The following PPP6R1 variants were observed in gnomAD, a reference collection of about 807,000 sequenced individuals.
PPP6R1 encodes the protein serine/threonine-protein phosphatase 6 regulatory subunit 1.
PPP6R1 carries 39 observed loss-of-function variants against 104.6 expected under a neutral mutation model. The observed-to-expected ratio is 0.37, with a 90% CI of 0.29 to 0.49. The LOEUF (loss-of-function observed/expected upper bound fraction) is 0.49. PPP6R1 is among the 20% of genes least tolerant of loss of function. The pLI is 0.98. For missense variants in PPP6R1, 1,181 were observed against 1,155.8 expected, an observed-to-expected ratio of 1.02 and a Z score of -0.32; for synonymous variants, 549 against 479.0, an observed-to-expected ratio of 1.15 and a Z score of -1.91.
At chr19:55,246,743 C>T in intron 2 of PPP6R1, 134 bp downstream of exon 2, 1 of 911,632 alleles carries the variant, frequency 1.1e-6, no homozygotes, top group Non-Finnish European at 1.6e-6. Flanking sequence ...CCTGGCTGCT[C>T]CCAGCCTCGT....
intron 1 of PPP6R1, among the ~76,000 whole-genome samples, chr19:55,248,245 C>G (rs1022666661): frequency 4.6e-5 from 7 of 152,202 alleles, no homozygotes; most frequent in South Asian, 4.1e-4. Context: ...GATGTCCAAG[C>G]TCACCAGCAG....
At position 55,230,174 on chromosome 19, in the gene PPP6R1, A is replaced by C; in HGVS notation, c.*354T>G. The C allele has an allele frequency of 3.6e-6, 1 of 275,716 alleles. No homozygotes were observed. Among genetic ancestry groups the C allele is most frequent in the Non-Finnish European group, 6.9e-6 (1 of 144,362 alleles). The allele number at this position is 275,716 out of a possible 1,614,324, so 17.1% of individuals were successfully genotyped here. Reference sequence around the variant, plus strand: ...TAACACCAGCTCCCGCTGGGACGGAACAGGGAAGGCTGTGCTTTGGAGCCG... The same window carrying C: ...TAACACCAGCTCCCGCTGGGACGGACCAGGGAAGGCTGTGCTTTGGAGCCG... On this transcript the variant is annotated 3_prime_UTR_variant, in exon 24 of 24. Transcript: ENST00000412770.
At chr19:55,253,939 G>A (rs951658472) in intron 1 of PPP6R1, among the ~76,000 whole-genome samples, 2 of 152,208 alleles carry the variant, frequency 1.3e-5, no homozygotes, top group Non-Finnish European at 2.9e-5. Flanking sequence ...GGGCTGCTGT[G>A]AAAAGGCATT....
rs1316777103 is a variant in PPP6R1 at position 55,241,173 on chromosome 19, G to A, written c.1161+66C>T. The A allele has an allele frequency of 2.2e-5, 5 of 230,362 alleles. No individual in the cohort carries two copies. The highest frequency in any genetic ancestry group is 2.6e-5 in the Non-Finnish European group (4 of 152,182). The allele number at this position is 230,362 out of a possible 1,614,324, so 14.3% of individuals were successfully genotyped here. A position where few individuals can be genotyped will look rare whatever the true frequency, so the allele number is the denominator to read the frequency against. On this transcript the variant is annotated intron_variant, in intron 9 of 23. Transcript: ENST00000412770. The surrounding 1 kb of genome is among the most constrained non-coding windows in gnomAD (Gnocchi z 5.4). ...CAGCCGAGCCCCCACCCCAGCCCCC[G>A]AACCCTCAGCCCAGTCCAGTCCCCG...
At position 55,239,532 on chromosome 19, in the gene PPP6R1, G is replaced by A. The variant is rs142039610; in HGVS notation, c.1654-30C>T. The stretch of plus-strand genomic sequence containing the variant: ...GGGGGTGCGGAGGTTAGGGCTGGAG[G>A]GAGTTGGGCAGGACCCCACTCCAGC... On this transcript the variant is annotated intron_variant, in intron 14 of 23. Transcript: ENST00000412770. 1,122 of 1,612,036 alleles carry A rather than the reference G, an allele frequency of 7.0e-4. 1 individual carries two copies. The highest frequency in any genetic ancestry group is 2.0e-3 in the Admixed American group (118 of 59,894).
intron 19 of PPP6R1, 48 bp downstream of exon 19, chr19:55,231,754 T>C (rs765300964): frequency 6.7e-7 from 1 of 1,493,324 alleles, no homozygotes; most frequent in Non-Finnish European, 8.9e-7. Flanking sequence ...GGCCACCTCC[T>C]GGCCTCGGGA....
At chr19:55,253,404 C>T (rs369903065) in intron 1 of PPP6R1, among the ~76,000 whole-genome samples, 2 of 152,348 alleles carry the variant, frequency 1.3e-5, no homozygotes, top group South Asian at 4.1e-4. Context: ...CCCCAAACCC[C>T]CTACCCCTGG....
At chr19:55,234,335 G>C (rs2087375683) in intron 17 of PPP6R1, among the ~76,000 whole-genome samples, 1 of 152,186 alleles carries the variant, frequency 6.6e-6, no homozygotes, top group South Asian at 2.1e-4. Context: ...TGATAGAACA[G>C]AACAGAGAGG....
In PPP6R1 at chr19:55,246,939, T is replaced by C. The variant is rs1568949665; in HGVS notation, c.165A>G (p.Gln55=). 1 of 1,613,746 alleles carries C rather than the reference T, an allele frequency of 6.2e-7. No individual in the cohort carries two copies. The highest frequency in any genetic ancestry group is 1.1e-5 in the South Asian group (1 of 91,078). ...LDFLLQPPHL[Q]AMVAWVTQEP... ...CCTGGGTGACCCAGGCCACCATTGC[T>C]TGCAGGTGGGGTGGCTGCAGCAGGA... is the stretch of plus-strand genomic sequence containing the variant. Residue 55 remains glutamine, a synonymous_variant, in exon 2 of 24, where the codon CAA becomes CAG. Coordinates refer to ENST00000412770, the MANE Select transcript of PPP6R1 (RefSeq NM_014931.4).
downstream of PPP6R1, chr19:55,228,265 T>C: frequency 6.2e-7 from 1 of 1,612,900 alleles, no homozygotes; most frequent in South Asian, 1.1e-5. Context: ...CTGGAGGAGC[T>C]GGGTGTAGCC....
chr19:55,248,535 G>A (rs1006948814), intron 1 of PPP6R1, among the ~76,000 whole-genome samples: 2 of 152,204 alleles, frequency 1.3e-5, no homozygotes, highest in African/African-American at 2.4e-5. Context: ...TGCCTCTCCC[G>A]CAGGCCCTCA....
chr19:55,256,759 G>A (rs1396169654), intron 1 of PPP6R1, among the ~76,000 whole-genome samples: 1 of 152,226 alleles, frequency 6.6e-6, no homozygotes, highest in African/African-American at 2.4e-5. Context: ...AGGCTAAGGT[G>A]GGAAAATCAC....
At chr19:55,239,306 C>T in intron 15 of PPP6R1, 99 bp downstream of exon 15, 1 of 1,238,288 alleles carries the variant, frequency 8.1e-7, no homozygotes, top group Non-Finnish European at 1.2e-6. Flanking sequence ...AGGCTGAGCC[C>T]ACAGGGCATG....
Position 55,230,785 on chromosome 19 carries a change from G to C in PPP6R1, c.2559C>G (p.Pro853=), listed in dbSNP as rs761743808. The change falls in exon 22 of 24, where the codon CCC becomes CCG. Residue 853 remains proline (P), a synonymous_variant. Transcript: ENST00000412770. ...GCCCTGGTGCTCACCTCTGGCTTTG[G>C]GGAAGCCCCAAGGGCTCTGGGCTCT... is the stretch of plus-strand genomic sequence containing the variant. ...GEKSPEPLGL[P]QSQSAQALTP... is the part of the protein sequence containing the mutation. The C allele has an allele frequency of 6.4e-7, 1 of 1,553,210 alleles. No individual in the cohort carries two copies. The highest frequency in any genetic ancestry group is 2.3e-5 in the East Asian group (1 of 43,284).
chr19:55,242,818 G>C (rs117693097), intron 5 of PPP6R1, among the ~76,000 whole-genome samples: 1,987 of 152,338 alleles, frequency 0.013, 16 homozygotes, highest in Non-Finnish European at 0.019. Context: ...CCACACAGGA[G>C]AGTGCTAATC....
Position 55,240,220 on chromosome 19 carries a change from G to C in PPP6R1, c.1361+16C>G. 6.3e-7 allele frequency: 1 copy of C among 1,581,756 alleles called. No homozygotes were observed. Among genetic ancestry groups the C allele is most frequent in the South Asian group, 1.2e-5 (1 of 86,490 alleles). ...AGCCCCAGCCCCTGGAGACATGAAG[G>C]GCAGCAGGTGCTCACTGTACACGGT... On this transcript the variant is annotated intron_variant, in intron 11 of 23. Transcript: ENST00000412770.
chr19:55,256,500 T>C (rs969637406), intron 1 of PPP6R1, among the ~76,000 whole-genome samples: 3 of 152,196 alleles, frequency 2.0e-5, no homozygotes, highest in Admixed American at 2.0e-4. Context: ...GCAATGGACA[T>C]TCCCAAATCA....
intron 2 of PPP6R1, among the ~76,000 whole-genome samples, chr19:55,246,297 G>A (rs552264733): frequency 1.8e-4 from 28 of 152,074 alleles, no homozygotes; most frequent in Middle Eastern, 3.4e-3. Flanking sequence ...TGGGCGTGCT[G>A]GCTTATAGTC....
chr19:55,254,550 G>A (rs1012946015), intron 1 of PPP6R1, among the ~76,000 whole-genome samples: 1 of 152,114 alleles, frequency 6.6e-6, no homozygotes, highest in African/African-American at 2.4e-5. Context: ...CCAGGGAACC[G>A]GTGGGCCCAT....
Sources: allele counts gnomAD v4.1 joint callset (sites outside exome capture counted in the v4.1 genomes callset), GRCh38; gene constraint gnomAD v4.1.1; non-coding constraint Gnocchi (gnomAD v3.1); transcripts MANE v1.5; gene names NCBI Gene and HGNC (gene_info 2026-07-23, HGNC 2026-07-21).